The following PDE5A variants were observed in gnomAD, a reference collection of about 807,000 sequenced individuals.
The protein encoded by PDE5A is phosphodiesterase 5A.
A neutral mutation model predicts 110.2 loss-of-function variants in PDE5A; 67 were observed. The observed-to-expected ratio is 0.61, with a 90% confidence interval of 0.50 to 0.75. PDE5A has a LOEUF of 0.75. Ranked by LOEUF, PDE5A falls within the 30% of genes least tolerant of loss-of-function variation. The probability of loss-of-function intolerance (pLI) is 0.00; values close to 1 mark genes in which losing one functional copy is unlikely to be tolerated. For synonymous variants in PDE5A, 328 were observed against 351.2 expected, an observed-to-expected ratio of 0.93 and a Z score of 0.74; for missense variants, 862 against 1,045.1, an observed-to-expected ratio of 0.82 and a Z score of 2.42.
At chr4:119,538,336 C>A (rs546527669) in intron 11 of PDE5A, among the ~76,000 whole-genome samples, 1 of 152,102 alleles carries the variant, frequency 6.6e-6, no homozygotes, top group Non-Finnish European at 1.5e-5. Flanking sequence ...ATGGCCCTTA[C>A]CTATGTCATC....
At chr4:119,522,699 C>A (rs1726172166) in intron 12 of PDE5A, among the ~76,000 whole-genome samples, 1 of 151,818 alleles carries the variant, frequency 6.6e-6, no homozygotes, top group African/African-American at 2.4e-5. Flanking sequence ...GTAGTTAGTA[C>A]CTATATTTAA....
At chr4:119,590,638 G>A (rs1340716294) in intron 3 of PDE5A, among the ~76,000 whole-genome samples, 1 of 152,082 alleles carries the variant, frequency 6.6e-6, no homozygotes, top group Non-Finnish European at 1.5e-5. Context: ...TGTAAAAAAA[G>A]CACTGCTGTA....
chr4:119,577,895 T>C (rs533073323), intron 3 of PDE5A, among the ~76,000 whole-genome samples: 77 of 152,306 alleles, frequency 5.1e-4, no homozygotes, highest in Admixed American at 9.1e-4. Flanking sequence ...GGAAGTCAAA[T>C]TGTCCCTGTT....
At chr4:119,518,111 T>C (rs942574229) in intron 14 of PDE5A, among the ~76,000 whole-genome samples, 3 of 152,058 alleles carry the variant, frequency 2.0e-5, no homozygotes, top group Admixed American at 6.5e-5. Context: ...GTTTTCCATT[T>C]ATTTAGATAA....
chr4:119,512,196 G>A (rs554503609), intron 14 of PDE5A, among the ~76,000 whole-genome samples: 5 of 152,142 alleles, frequency 3.3e-5, no homozygotes, highest in Middle Eastern at 3.4e-3. Context: ...AGAAATCTGA[G>A]GGAAAAAGAA....
intron 2 of PDE5A, among the ~76,000 whole-genome samples, chr4:119,600,790 G>A (rs1400068348): frequency 1.3e-5 from 2 of 152,138 alleles, no homozygotes. Context: ...GTATGATGGA[G>A]TTAGAAAATC....
intron 2 of PDE5A, among the ~76,000 whole-genome samples, chr4:119,605,233 G>C (rs1167732294): frequency 6.6e-6 from 1 of 152,036 alleles, no homozygotes; most frequent in Non-Finnish European, 1.5e-5. Context: ...CACTTACATG[G>C]TCCTACTTGC....
At position 119,553,714 on chromosome 4, in the gene PDE5A, T is replaced by G. The variant is rs200294136; in HGVS notation, c.1232A>C (p.Tyr411Ser). 15 of 1,588,526 alleles carry G rather than the reference T, an allele frequency of 9.4e-6. No homozygotes were observed. Among genetic ancestry groups the G allele is most frequent in the Non-Finnish European group, 1.2e-5 (14 of 1,156,950 alleles). The change falls in exon 8 of 21, where the codon TAT (tyrosine) becomes TCT (serine). Residue 411 changes from tyrosine to serine, a missense_variant. Tyr to Ser is a moderately radical substitution (Grantham distance 144). Coordinates refer to ENST00000354960, the MANE Select transcript of PDE5A (RefSeq NM_001083.4). The stretch of plus-strand genomic sequence containing the variant: ...CATAGTATTTTTGACATACTGAGCA[T>G]ACATGTAATTGATTTTGTTTGCATC... The part of the protein sequence containing the change: ...EHDANKINYM[Y>S]AQYVKNTMEP...
chr4:119,558,830 T>C (rs7658561), intron 7 of PDE5A, among the ~76,000 whole-genome samples: 39,852 of 143,756 alleles, frequency 0.28, 5,366 homozygotes, highest in East Asian at 0.39. Context: ...GGCGGGAGAA[T>C]GGCGTGAACC....
chr4:119,542,454 C>T lies in PDE5A; in HGVS notation c.1572+5G>A. The T allele has an allele frequency of 1.9e-6, 3 of 1,612,842 alleles. No individual in the cohort carries two copies. Among genetic ancestry groups the T allele is most frequent in the African/African-American group, 2.7e-5 (2 of 74,986 alleles). On this transcript the variant is annotated splice_donor_5th_base_variant and intron_variant, in intron 10 of 20. Coordinates refer to ENST00000354960, the MANE Select transcript of PDE5A (RefSeq NM_001083.4). The stretch of plus-strand genomic sequence containing the variant: ...CAGTGTGAGAGGTCCCTAAACTTCA[C>T]CCACCTCCAATGTGACCATTTGCTT...
At chr4:119,520,203 G>A (rs553775953) in intron 13 of PDE5A, among the ~76,000 whole-genome samples, 191 of 152,020 alleles carry the variant, frequency 1.3e-3, no homozygotes, top group Non-Finnish European at 2.4e-3. Context: ...CCCTATGAAA[G>A]TAGAGACAGA....
chr4:119,544,752 C>A (rs913361912), intron 9 of PDE5A, among the ~76,000 whole-genome samples: 4 of 152,114 alleles, frequency 2.6e-5, no homozygotes, highest in African/African-American at 9.7e-5. Flanking sequence ...AGGCAATCTG[C>A]GAGGCTTATG....
intron 15 of PDE5A, among the ~76,000 whole-genome samples, chr4:119,510,716 G>C (rs1725708388): frequency 6.6e-6 from 1 of 152,062 alleles, no homozygotes; most frequent in Non-Finnish European, 1.5e-5. Context: ...GCAAATGCTT[G>C]AGCTATAGAA....
chr4:119,592,456 T>TAAAAAAAAAAAAAA (rs55997249), intron 3 of PDE5A, among the ~76,000 whole-genome samples: 14 of 66,182 alleles, frequency 2.1e-4, no homozygotes, highest in African/African-American at 3.9e-4. Context: ...AGACTCTGTT[T>TAAAAAAAAAAAAAA]AAAAAAAAAA....
chr4:119,544,117 G>T (rs1448471321), intron 9 of PDE5A, among the ~76,000 whole-genome samples: 2 of 152,208 alleles, frequency 1.3e-5, no homozygotes, highest in African/African-American at 4.8e-5. Flanking sequence ...TTTTCCTGGA[G>T]CACAAAAGGA....
intron 3 of PDE5A, among the ~76,000 whole-genome samples, chr4:119,592,251 C>T (rs1218079158): frequency 1.4e-5 from 2 of 147,852 alleles, no homozygotes; most frequent in Non-Finnish European, 3.0e-5. Context: ...GTCAGGAGAT[C>T]GTAGCTATCC....
intron 12 of PDE5A, among the ~76,000 whole-genome samples, chr4:119,523,817 T>C (rs1264213826): frequency 6.6e-6 from 1 of 152,064 alleles, no homozygotes; most frequent in Non-Finnish European, 1.5e-5. Context: ...AACAGAATCA[T>C]TATTAGTTTC....
At chr4:119,537,277 A>G (rs1223532818) in intron 11 of PDE5A, among the ~76,000 whole-genome samples, 1 of 152,178 alleles carries the variant, frequency 6.6e-6, no homozygotes, top group Non-Finnish European at 1.5e-5. Flanking sequence ...TACACAAAAC[A>G]TTACAATTTT....
intron 1 of PDE5A, among the ~76,000 whole-genome samples, chr4:119,620,620 T>C (rs1446362106): frequency 2.0e-5 from 3 of 152,166 alleles, no homozygotes; most frequent in Admixed American, 6.5e-5. Context: ...TCAAAACAAG[T>C]ATGTTTTGAA....
Sources: allele counts gnomAD v4.1 joint callset (sites outside exome capture counted in the v4.1 genomes callset), GRCh38; gene constraint gnomAD v4.1.1; transcripts MANE v1.5; gene names NCBI Gene and HGNC (gene_info 2026-07-23, HGNC 2026-07-21).